The following RNPC3 variants were observed in gnomAD, a reference collection of about 807,000 sequenced individuals.
RNPC3 encodes RNA-binding region-containing protein 3.
In RNPC3, 48 loss-of-function variants were observed where a neutral mutation model predicts 67.5. The observed-to-expected ratio is 0.71, with a 90% CI of 0.56 to 0.90. The LOEUF (loss-of-function observed/expected upper bound fraction) is 0.90. Among genes scored for constraint, RNPC3 ranks in the 40% least tolerant of loss-of-function variants. RNPC3 has a pLI of 0.00. For synonymous variants in RNPC3, 239 were observed against 210.3 expected (o/e 1.14, Z -1.18); for missense variants, 637 against 626.1 (o/e 1.02, Z -0.19).
chr1:103,554,509 A>G (rs1031455420), intron 14 of RNPC3: 1 of 152,642 alleles, frequency 6.6e-6, no homozygotes, highest in African/African-American at 2.4e-5. Flanking sequence ...AAGAGTTTTT[A>G]TGCATAAAGA....
At chr1:103,541,170 T>C (rs1651117220) in intron 7 of RNPC3, among the ~76,000 whole-genome samples, 180 bp from the exon 8 acceptor site, 1 of 152,152 alleles carries the variant, frequency 6.6e-6, no homozygotes, top group Non-Finnish European at 1.5e-5. Flanking sequence ...AATTTAGTAT[T>C]TGAGCTTTTA....
At chr1:103,530,536 G>A (rs1456078640) in intron 2 of RNPC3, among the ~76,000 whole-genome samples, 1 of 152,150 alleles carries the variant, frequency 6.6e-6, no homozygotes, top group East Asian at 1.9e-4. Context: ...GTGGGAGCAG[G>A]AGTGGGAGTG....
intron 1 of RNPC3, among the ~76,000 whole-genome samples, chr1:103,526,783 T>C (rs1485684640): frequency 6.6e-6 from 1 of 152,322 alleles, no homozygotes; most frequent in African/African-American, 2.4e-5. Flanking sequence ...GGGAACAATT[T>C]TTTAGGGCTG....
intron 2 of RNPC3, among the ~76,000 whole-genome samples, chr1:103,530,781 A>C (rs1177685504): frequency 6.6e-6 from 1 of 152,168 alleles, no homozygotes; most frequent in Non-Finnish European, 1.5e-5. Flanking sequence ...CCTTGACCAC[A>C]ATGGTAGTGG....
intron 12 of RNPC3, among the ~76,000 whole-genome samples, chr1:103,547,371 A>G (rs1651270623): frequency 6.6e-6 from 1 of 152,236 alleles, no homozygotes; most frequent in African/African-American, 2.4e-5. Flanking sequence ...TTACAGAAAC[A>G]GGTCGGTGAT....
chr1:103,534,837 T>C lies in RNPC3; in HGVS notation c.423T>C (p.Asn141=). The change falls in exon 4 of 15, where the codon AAT becomes AAC. Residue 141 remains asparagine (N), a synonymous_variant. Coordinates refer to ENST00000423855, the MANE Select transcript of RNPC3 (RefSeq NM_017619.4). ...AACTTGGTTATTTAACAGTAGAAAA[T>C]GGAATTGCACCAAACCATGGGTTAG... The part of the protein sequence containing the change: ...KKELGYLTVE[N]GIAPNHGLTF... 1 of 1,532,368 alleles carries C rather than the reference T, an allele frequency of 6.5e-7. No individual in the cohort carries two copies. The highest frequency in any genetic ancestry group is 8.7e-7 in the Non-Finnish European group (1 of 1,144,170). 94.9% of individuals were successfully genotyped at this position (1,532,368 alleles called of 1,614,324 possible).
intron 8 of RNPC3, among the ~76,000 whole-genome samples, chr1:103,543,045 C>T (rs1651161711): frequency 6.6e-6 from 1 of 151,568 alleles, no homozygotes; most frequent in South Asian, 2.1e-4. Context: ...TACAGAATGA[C>T]CTTATACAAA....
At chr1:103,537,700 A>T (rs535754636) in intron 7 of RNPC3, among the ~76,000 whole-genome samples, 1 of 152,248 alleles carries the variant, frequency 6.6e-6, no homozygotes, top group Admixed American at 6.5e-5. Context: ...GATTATGCAT[A>T]ATTTTTTAGA....
At chr1:103,540,716 T>C (rs1651106166) in intron 7 of RNPC3, among the ~76,000 whole-genome samples, 1 of 152,186 alleles carries the variant, frequency 6.6e-6, no homozygotes, top group Non-Finnish European at 1.5e-5. Flanking sequence ...GTTTCCAAGT[T>C]CCTGCTCTGT....
chr1:103,546,988 T>C lies in RNPC3; in HGVS notation c.1314T>C (p.Tyr438=). The C allele has an allele frequency of 6.7e-7, 1 of 1,483,554 alleles. No individual in the cohort carries two copies. Among genetic ancestry groups the C allele is most frequent in the Non-Finnish European group, 9.0e-7 (1 of 1,105,136 alleles). The allele number at this position is 1,483,554 out of a possible 1,614,324, so 91.9% of individuals were successfully genotyped here. ...AKHVQEKDLK[Y]IFGRYVDFSS... is the part of the protein sequence containing the mutation. Reference sequence around the variant, plus strand: ...TATTGAAATTCTAGGACCTTAAATATATTTTTGGAAGATATGTTGACTTTT... The same window carrying C: ...TATTGAAATTCTAGGACCTTAAATACATTTTTGGAAGATATGTTGACTTTT... The change falls in exon 12 of 15, where the codon TAT becomes TAC. Residue 438 remains tyrosine, a synonymous_variant. Transcript: ENST00000423855.
Position 103,546,309 on chromosome 1 carries a change from T to C in RNPC3, c.1269T>C (p.Tyr423=). The C allele has an allele frequency of 6.8e-7, 1 of 1,473,378 alleles. No homozygotes were observed. Among genetic ancestry groups the C allele is most frequent in the East Asian group, 2.6e-5 (1 of 38,454 alleles). 91.3% of individuals were successfully genotyped at this position (1,473,378 alleles called of 1,614,324 possible). Reference sequence around the variant, plus strand: ...CGGGTGAACCAAACTGTAGAATTTATGTAAAGAATTTAGCTAAACATGTTC... The same window carrying C: ...CGGGTGAACCAAACTGTAGAATTTACGTAAAGAATTTAGCTAAACATGTTC... ...YEPGEPNCRI[Y]VKNLAKHVQE... Residue 423 remains tyrosine, a synonymous_variant, in exon 11 of 15, where the codon TAT becomes TAC. Coordinates refer to ENST00000423855, the MANE Select transcript of RNPC3 (RefSeq NM_017619.4).
At chr1:103,540,645 T>G (rs1229066405) in intron 7 of RNPC3, among the ~76,000 whole-genome samples, 1 of 152,216 alleles carries the variant, frequency 6.6e-6, no homozygotes, top group Non-Finnish European at 1.5e-5. Context: ...TCCTCTCTTT[T>G]GTATTTTGTT....
At position 103,543,321 on chromosome 1, in the gene RNPC3, T is replaced by A. The variant is rs1209284913; in HGVS notation, c.919T>A (p.Ser307Thr). Residue 307 changes from serine (S) to threonine (T), a missense_variant, in exon 9 of 15, where the codon TCA becomes ACA. Around this residue, in one of 3 missense-constraint regions of RNPC3, gnomAD observed 536 missense variants for 500.3 expected, o/e 1.07. Coordinates refer to ENST00000423855, the MANE Select transcript of RNPC3 (RefSeq NM_017619.4). ...HSSLHPVLLP[S>T]DVFDQPQPVG... ...CAGTTTACATCCAGTGCTGTTACCT[T>A]CAGATGTATTTGACCAACCACAACC... 2 of 1,496,970 alleles carry A rather than the reference T, an allele frequency of 1.3e-6. No individual in the cohort carries two copies. Among genetic ancestry groups the A allele is most frequent in the African/African-American group, 1.4e-5 (1 of 70,424 alleles). The allele number at this position is 1,496,970 out of a possible 1,614,324, so 92.7% of individuals were successfully genotyped here. A position where few individuals can be genotyped will look rare whatever the true frequency, so the allele number is the denominator to read the frequency against.
chr1:103,546,601 A>G (rs894588976), intron 11 of RNPC3: 2 of 327,828 alleles, frequency 6.1e-6, no homozygotes, highest in Non-Finnish European at 1.1e-5. Flanking sequence ...GGCTGAAACA[A>G]CAGAGATGTG....
Position 103,543,310 on chromosome 1 carries a change from T to G in RNPC3, c.908T>G (p.Val303Gly). Residue 303 changes from valine (V) to glycine (G), a missense_variant, in exon 9 of 15, where the codon GTG becomes GGG. Coordinates refer to ENST00000423855, the MANE Select transcript of RNPC3 (RefSeq NM_017619.4). ...LCPSHSSLHPVLLPSDVFDQP... is the reference protein window; with the variant it reads ...LCPSHSSLHPGLLPSDVFDQP... ...TTTTTAAATAGCAGTTTACATCCAGTGCTGTTACCTTCAGATGTATTTGAC... is the reference window on the plus strand; with the variant it reads ...TTTTTAAATAGCAGTTTACATCCAGGGCTGTTACCTTCAGATGTATTTGAC... 1 of 1,473,190 alleles carries G rather than the reference T, an allele frequency of 6.8e-7. No individual in the cohort carries two copies. The highest frequency in any genetic ancestry group is 8.9e-7 in the Non-Finnish European group (1 of 1,120,124). The allele number at this position is 1,473,190 out of a possible 1,614,324, so 91.3% of individuals were successfully genotyped here. A position where few individuals can be genotyped will look rare whatever the true frequency, so the allele number is the denominator to read the frequency against.
At chr1:103,533,642 A>C in intron 2 of RNPC3, 97 bp from the exon 3 acceptor site, 2 of 642,550 alleles carry the variant, frequency 3.1e-6, no homozygotes, top group Admixed American at 3.0e-5. Flanking sequence ...AACTGTTTAC[A>C]GCATTAGCAA....
chr1:103,534,896 G>C, intron 4 of RNPC3, 39 bp downstream of exon 4: 2 of 1,251,700 alleles, frequency 1.6e-6, no homozygotes, highest in Non-Finnish European at 2.2e-6. Context: ...CTTTTGTTCT[G>C]TGTTATATAC....
At chr1:103,534,893 T>C in intron 4 of RNPC3, 36 bp downstream of exon 4, 1 of 1,305,894 alleles carries the variant, frequency 7.7e-7, no homozygotes, top group Non-Finnish European at 1.1e-6. Context: ...TTGCTTTTGT[T>C]CTGTGTTATA....
At position 103,543,460 on chromosome 1, in the gene RNPC3, T is replaced by C. The variant is rs1310841167; in HGVS notation, c.1045+13T>C. On this transcript the variant is annotated intron_variant, in intron 9 of 14. Transcript: ENST00000423855. ...GAAAAAAATCATGGTAAGGATATTC[T>C]AGTTATTTCACATGCTGAAATCAAC... The C allele has an allele frequency of 1.1e-5, 16 of 1,447,450 alleles. No individual in the cohort carries two copies. Among genetic ancestry groups the C allele is most frequent in the Non-Finnish European group, 1.5e-5 (16 of 1,101,878 alleles). The allele number at this position is 1,447,450 out of a possible 1,614,324, so 89.7% of individuals were successfully genotyped here. A position where few individuals can be genotyped will look rare whatever the true frequency, so the allele number is the denominator to read the frequency against.
Sources: gnomAD v4.1 joint callset for allele counts (sites outside exome capture counted in the v4.1 genomes callset) on GRCh38, gnomAD v4.1.1 for gene constraint, gnomAD v4.1.1 regional missense constraint, MANE v1.5 for transcripts, NCBI Gene and HGNC (gene_info 2026-07-23, HGNC 2026-07-21) for gene names.